Variants in ZNF789 observed in about 807,000 individuals in gnomAD.
ZNF789 encodes zinc finger protein 789.
In ZNF789, 11 loss-of-function variants were observed where a neutral mutation model predicts 15.6. That is an observed-to-expected ratio of 0.70 (90% CI 0.44 to 1.16). The LOEUF (loss-of-function observed/expected upper bound fraction) is 1.16, where lower values mean the gene tolerates loss of function less well. ZNF789 is among the 50% of genes most tolerant of loss of function. The probability of loss-of-function intolerance (pLI) is 0.00; values close to 1 mark genes in which losing one functional copy is unlikely to be tolerated. For synonymous variants in ZNF789, 159 were observed against 176.0 expected, an observed-to-expected ratio of 0.90 and a Z score of 0.76; for missense variants, 461 against 512.6, an observed-to-expected ratio of 0.90 and a Z score of 0.97.
At position 99,487,078 on chromosome 7, in the gene ZNF789, T is replaced by C. The variant is rs1800000958; in HGVS notation, c.868T>C (p.Cys290Arg). The C allele has an allele frequency of 1.9e-6, 3 of 1,614,010 alleles. No individual in the cohort carries two copies. Among genetic ancestry groups the C allele is most frequent in the East Asian group, 2.2e-5 (1 of 44,888 alleles). ...TKEKPYKCSK[C>R]EKTFSQNSTL... Reference sequence around the variant, plus strand: ...AGAAAAACCTTATAAATGTAGCAAATGTGAAAAAACGTTTAGTCAGAATTC... The same window carrying C: ...AGAAAAACCTTATAAATGTAGCAAACGTGAAAAAACGTTTAGTCAGAATTC... Residue 290 changes from cysteine to arginine, a missense_variant, in exon 5 of 5, where the codon TGT becomes CGT. Cys to Arg is a radical substitution (Grantham distance 180). Transcript: ENST00000331410.
intron 1 of ZNF789, chr7:99,476,152 G>A: frequency 2.7e-6 from 1 of 371,474 alleles, no homozygotes; most frequent in South Asian, 3.2e-5. Context: ...TGTATATGAG[G>A]TGCAGAGTAT....
chr7:99,483,275 G>A (rs974518965), intron 3 of ZNF789, among the ~76,000 whole-genome samples: 1 of 151,688 alleles, frequency 6.6e-6, no homozygotes, highest in Non-Finnish European at 1.5e-5. Flanking sequence ...AAAATTAGCC[G>A]GGTGGGGGCG....
rs879485662 is a variant in ZNF789 at position 99,486,314 on chromosome 7, C to CA, written c.266-153dup. On this transcript the variant is annotated intron_variant, in intron 4 of 4. Coordinates refer to ENST00000331410, the MANE Select transcript of ZNF789 (RefSeq NM_213603.3). ...TGGGCAACAGAGAGAGACTCCGTCT[C>CA]AAAAAAAAATTTCAGAGTTTTGGCC... is the stretch of plus-strand genomic sequence containing the variant. Among the ~76,000 whole-genome samples the CA allele has an allele frequency of 3.4e-3, 513 of 151,586 alleles. 3 individuals carry two copies. The highest frequency in any genetic ancestry group is 0.012 in the African/African-American group (481 of 41,364).
intron 1 of ZNF789, among the ~76,000 whole-genome samples, chr7:99,475,002 A>G (rs1263587582): frequency 6.6e-6 from 1 of 152,082 alleles, no homozygotes; most frequent in Non-Finnish European, 1.5e-5. Flanking sequence ...AGAAAGGCAA[A>G]GGGTCTTCTA....
chr7:99,487,534 C>T lies in ZNF789; in HGVS notation c.*46C>T, dbSNP rs767794051. 2.6e-6 allele frequency: 4 copies of T among 1,557,872 alleles called. No individual in the cohort carries two copies. The highest frequency in any genetic ancestry group is 2.4e-5 in the South Asian group (2 of 82,554). On this transcript the variant is annotated 3_prime_UTR_variant, in exon 5 of 5. Transcript: ENST00000331410. ...TTGGAGAACTAGAACTTATAAACCTCTACTTCAAGTGTGTATCACGTAATT... is the reference window on the plus strand; with the variant it reads ...TTGGAGAACTAGAACTTATAAACCTTTACTTCAAGTGTGTATCACGTAATT...
chr7:99,479,693 C>T lies in ZNF789; in HGVS notation c.57C>T (p.Tyr19=), dbSNP rs1214910331. Residue 19 remains tyrosine (Y), a synonymous_variant, in exon 3 of 5, where the codon TAC becomes TAT. Transcript: ENST00000331410. The part of the protein sequence containing the change: ...ELLSFEDVAM[Y]FTREEWGHLN... ...TCTCGTTTGAGGATGTGGCGATGTA[C>T]TTCACCAGAGAGGAGTGGGGCCACC... The T allele has an allele frequency of 6.2e-7, 1 of 1,611,748 alleles. No homozygotes were observed. The highest frequency in any genetic ancestry group is 8.5e-7 in the Non-Finnish European group (1 of 1,179,142).
intron 2 of ZNF789, 183 bp from the exon 3 acceptor site, chr7:99,479,478 A>G (rs1026474407): frequency 1.3e-5 from 7 of 540,052 alleles, no homozygotes; most frequent in African/African-American, 9.7e-5. Flanking sequence ...GTGGTATGGA[A>G]GCCAGCACAT....
intron 2 of ZNF789, chr7:99,478,716 C>T: frequency 3.3e-6 from 1 of 298,802 alleles, no homozygotes; most frequent in Admixed American, 4.2e-5. Context: ...ATGTAATGTC[C>T]CCTGTGCTCA....
intron 2 of ZNF789, chr7:99,478,231 G>C (rs887542539): frequency 7.9e-7 from 1 of 1,260,160 alleles, no homozygotes; most frequent in African/African-American, 1.5e-5. Flanking sequence ...ATGACTCTGG[G>C]AGATGAAGCC....
Position 99,479,866 on chromosome 7 carries a change from CA to C in ZNF789, c.151+80del, listed in dbSNP as rs775386795. ...GCCCTTAGTCCCTTATCTGCAATTC[CA>C]GAATCAGAAAAAGCGGTGAAAACCG... On this transcript the variant is annotated intron_variant, in intron 3 of 4. Coordinates refer to ENST00000331410, the MANE Select transcript of ZNF789 (RefSeq NM_213603.3). 2.7e-5 allele frequency: 40 copies of C among 1,466,056 alleles called. 1 individual carries two copies. In the South Asian group the frequency reaches 5.3e-4, roughly 19 times the overall value. The allele number at this position is 1,466,056 out of a possible 1,614,324, so 90.8% of individuals were successfully genotyped here.
chr7:99,482,011 G>A (rs992480629), intron 3 of ZNF789: 13 of 627,666 alleles, frequency 2.1e-5, no homozygotes, highest in East Asian at 1.7e-4. Flanking sequence ...TTTGGATTTC[G>A]GATTTTTCTT....
At position 99,486,594 on chromosome 7, in the gene ZNF789, G is replaced by GTTA; in HGVS notation, c.385_387dup (p.Leu129dup). On this transcript the variant is annotated inframe_insertion, in exon 5 of 5. Transcript: ENST00000331410. ...AATCAGCTGAGAAACTTTCAGAAAA[G>GTTA]TTACATAAGTGTAAAGAATTTGTGG... The GTTA allele has an allele frequency of 6.2e-7, 1 of 1,614,164 alleles. No homozygotes were observed. The highest frequency in any genetic ancestry group is 1.1e-5 in the South Asian group (1 of 91,082).
Position 99,476,386 on chromosome 7 carries a change from CT to C in ZNF789, c.-54-10del, listed in dbSNP as rs1439651642. The C allele has an allele frequency of 2.0e-5, 32 of 1,580,378 alleles. No individual in the cohort carries two copies. The highest frequency in any genetic ancestry group is 2.6e-5 in the Non-Finnish European group (30 of 1,164,026). ...TTCAAATTAGGGCTGGCCTTACTGA[CT>C]TTTTTTCTTCTCCAGCTCAGCCAGA... On this transcript the variant is annotated splice_polypyrimidine_tract_variant and intron_variant, in intron 1 of 4. Transcript: ENST00000331410.
At chr7:99,484,603 G>C (rs1306064213) in intron 4 of ZNF789, among the ~76,000 whole-genome samples, 1 of 152,126 alleles carries the variant, frequency 6.6e-6, no homozygotes, top group Admixed American at 6.5e-5. Flanking sequence ...CTGGGTGACA[G>C]AGCAAGACTG....
At chr7:99,476,285 C>A in intron 1 of ZNF789, 118 bp from the exon 2 acceptor site, 1 of 610,112 alleles carries the variant, frequency 1.6e-6, no homozygotes, top group Non-Finnish European at 2.8e-6. Flanking sequence ...CAACACCAAA[C>A]ACAGGGACTT....
At chr7:99,482,996 C>G (rs370417496) in intron 3 of ZNF789, among the ~76,000 whole-genome samples, 1 of 152,016 alleles carries the variant, frequency 6.6e-6, no homozygotes, top group African/African-American at 2.4e-5. Flanking sequence ...TTTGGGAGGC[C>G]GAGACAGGTG....
intron 4 of ZNF789, among the ~76,000 whole-genome samples, chr7:99,485,915 T>C (rs996679848): frequency 6.6e-6 from 1 of 152,230 alleles, no homozygotes; most frequent in Non-Finnish European, 1.5e-5. Flanking sequence ...CTAATAACGA[T>C]GATGGGCTCT....
At chr7:99,478,315 T>C in intron 2 of ZNF789, 1 of 1,289,720 alleles carries the variant, frequency 7.8e-7, no homozygotes, top group Non-Finnish European at 1.0e-6. Context: ...ATTGAGGACA[T>C]GGCAGCGCAG....
At chr7:99,481,832 A>G (rs1198695805) in intron 3 of ZNF789, 4 of 262,356 alleles carry the variant, frequency 1.5e-5, no homozygotes, top group Non-Finnish European at 2.9e-5. Flanking sequence ...CATTACAGAA[A>G]TTTTGGAAAA....
Sources: allele counts gnomAD v4.1 joint callset (sites outside exome capture counted in the v4.1 genomes callset), GRCh38; gene constraint gnomAD v4.1.1; transcripts MANE v1.5; gene names NCBI Gene and HGNC (gene_info 2026-07-23, HGNC 2026-07-21).